Variants in CACNB1 observed in about 807,000 individuals in gnomAD.
CACNB1 encodes voltage-dependent L-type calcium channel subunit beta-1.
In CACNB1, 29 loss-of-function variants were observed where a neutral mutation model predicts 71.6. The observed-to-expected ratio is 0.40, with a 90% CI of 0.30 to 0.55. The LOEUF is 0.55. Among genes scored for constraint, CACNB1 ranks in the 20% least tolerant of loss-of-function variants. CACNB1 has a pLI of 0.38. For synonymous variants in CACNB1, 300 were observed against 319.6 expected (o/e 0.94, Z 0.65); for missense variants, 623 against 801.8 (o/e 0.78, Z 2.69).
At position 39,191,573 on chromosome 17, in the gene CACNB1, G is replaced by C; in HGVS notation, c.192C>G (p.Thr64=). 1 of 1,609,692 alleles carries C rather than the reference G, an allele frequency of 6.2e-7. No homozygotes were observed. Among genetic ancestry groups the C allele is most frequent in the Non-Finnish European group, 8.5e-7 (1 of 1,178,562 alleles). Residue 64 remains threonine, a synonymous_variant, in exon 3 of 14, where the codon ACC becomes ACG. Transcript: ENST00000394303. The stretch of plus-strand genomic sequence containing the variant: ...ATACATCAGAGTCTGATGGACGGCT[G>C]GTGTAGGACTCCGCTGAGCCCTGAA... ...FVRQGSAESY[T]SRPSDSDVSL... is the part of the protein sequence containing the mutation.
In CACNB1 at chr17:39,184,873, G is replaced by T; in HGVS notation, c.649-9C>A. The T allele has an allele frequency of 2.8e-6, 4 of 1,448,192 alleles. No homozygotes were observed. Among genetic ancestry groups the T allele is most frequent in the Non-Finnish European group, 3.9e-6 (4 of 1,028,638 alleles). The allele number at this position is 1,448,192 out of a possible 1,614,324, so 89.7% of individuals were successfully genotyped here. ...GGGGGCACATGCTCTGTCTGGGGGG[G>T]GAAGCAGGGAGGGGAAACCCCAGAG... On this transcript the variant is annotated splice_polypyrimidine_tract_variant and intron_variant, in intron 7 of 13. Transcript: ENST00000394303.
chr17:39,177,042 A>G, intron 13 of CACNB1: 1 of 1,217,280 alleles, frequency 8.2e-7, no homozygotes, highest in Non-Finnish European at 1.1e-6. Context: ...CAGGCCTCAT[A>G]TCCAGCGGGC....
intron 1 of CACNB1, 95 bp downstream of exon 1, chr17:39,197,317 C>A: frequency 1.3e-6 from 1 of 756,388 alleles, no homozygotes. Flanking sequence ...CCGCGCCCGG[C>A]ATATAACCCC....
Position 39,191,525 on chromosome 17 carries a change from G to C in CACNB1, c.240C>G (p.Ala80=). The stretch of plus-strand genomic sequence containing the variant: ...CCTGGCGCTCTGCTTCCTTCCTTAA[G>C]GCTTCCCGGTCCTCCTCCAGAGATA... ...SDVSLEEDRE[A]LRKEAERQAL... is the part of the protein sequence containing the mutation. The change falls in exon 3 of 14, where the codon GCC becomes GCG. Residue 80 remains alanine (A), a synonymous_variant. Transcript: ENST00000394303. 6.2e-7 allele frequency: 1 copy of C among 1,610,440 alleles called. No homozygotes were observed. Among genetic ancestry groups the C allele is most frequent in the Non-Finnish European group, 8.5e-7 (1 of 1,178,960 alleles).
Position 39,175,524 on chromosome 17 carries a change from C to T in CACNB1, c.1466G>A (p.Gly489Asp). ...YPSSHPPGRA[G>D]TLRALSRQDT... Reference sequence around the variant, plus strand: ...TTGGCGGGACAGTGCCCGTAGCGTGCCTGCCCGGCCTGGTGGGTGGCTGCT... The same window carrying T: ...TTGGCGGGACAGTGCCCGTAGCGTGTCTGCCCGGCCTGGTGGGTGGCTGCT... Residue 489 changes from glycine to aspartate, a missense_variant, in exon 14 of 14, where the codon GGC becomes GAC. By Grantham distance (94) the Gly-to-Asp change is moderately conservative. Transcript: ENST00000394303. The surrounding 1 kb of genome is among the most constrained non-coding windows in gnomAD (Gnocchi z 4.7). 2 of 1,613,868 alleles carry T rather than the reference C, an allele frequency of 1.2e-6. No homozygotes were observed. Among genetic ancestry groups the T allele is most frequent in the East Asian group, 4.5e-5 (2 of 44,868 alleles).
intron 6 of CACNB1, 129 bp from the exon 7 acceptor site, chr17:39,185,279 C>G (rs2045906075): frequency 5.3e-6 from 4 of 756,840 alleles, no homozygotes; most frequent in Non-Finnish European, 9.6e-6. Flanking sequence ...GGAGAGATAA[C>G]AGGGCATGCG....
chr17:39,197,405 G>T lies in CACNB1; in HGVS notation c.84+7C>A. ...CCCTCCCGTTGGGCCGGGCCACCAC[G>T]CCTCACCTGCGGGCTGGGGTCGAAG... On this transcript the variant is annotated splice_region_variant and intron_variant, in intron 1 of 13. Coordinates refer to ENST00000394303, the MANE Select transcript of CACNB1 (RefSeq NM_000723.5). The T allele has an allele frequency of 6.9e-7, 1 of 1,451,966 alleles. No homozygotes were observed. 89.9% of individuals were successfully genotyped at this position (1,451,966 alleles called of 1,614,324 possible).
At chr17:39,193,080 C>T in intron 2 of CACNB1, 1 of 193,340 alleles carries the variant, frequency 5.2e-6, no homozygotes. Flanking sequence ...ACTCACCAAC[C>T]CCAACACAAA....
rs771074641 is a variant in CACNB1, at chr17:39,177,364, C to T, written c.1318G>A (p.Val440Ile). ...AGCACCTGTACCTGGAGGTTGGAGA[C>T]AGGGGCAGGGCTGGCAGCCAGGGCT... ...TAALAASPAPVSNLQGPYLAS... is the reference protein window; with the variant it reads ...TAALAASPAPISNLQGPYLAS... Residue 440 changes from valine (V) to isoleucine (I), a missense_variant, in exon 13 of 14, where the codon GTC becomes ATC. By Grantham distance (29) the Val-to-Ile change is conservative. Coordinates refer to ENST00000394303, the MANE Select transcript of CACNB1 (RefSeq NM_000723.5). The T allele has an allele frequency of 2.5e-6, 4 of 1,613,284 alleles. No homozygotes were observed. Among genetic ancestry groups the T allele is most frequent in the Non-Finnish European group, 3.4e-6 (4 of 1,179,704 alleles).
chr17:39,179,508 G>A (rs999302330), intron 11 of CACNB1, among the ~76,000 whole-genome samples: 1 of 151,236 alleles, frequency 6.6e-6, no homozygotes, highest in Non-Finnish European at 1.5e-5. Flanking sequence ...GTGAACCTGG[G>A]AGGCGGAGCT....
intron 12 of CACNB1, 41 bp downstream of exon 12, chr17:39,177,943 T>C: frequency 6.7e-7 from 1 of 1,487,388 alleles, no homozygotes. Flanking sequence ...ACAACCCAAA[T>C]GTTCTCCCTC....
chr17:39,186,549 GA>G lies in CACNB1; in HGVS notation c.574del (p.Ser192ProfsTer7). 1 of 1,613,836 alleles carries G rather than the reference GA, an allele frequency of 6.2e-7. No homozygotes were observed. The highest frequency in any genetic ancestry group is 8.5e-7 in the Non-Finnish European group (1 of 1,179,834). On this transcript the variant is annotated frameshift_variant, in exon 6 of 14. Transcript: ENST00000394303. LOFTEE classifies it high-confidence loss of function. The surrounding 1 kb of genome is among the most constrained non-coding windows in gnomAD (Gnocchi z 4.1). Reference protein sequence around the residue: ...GSSKSGDNSSSSLGDVVTGTR... With the variant: ...GSSKSGDNSSXSLGDVVTGTR... The stretch of plus-strand genomic sequence containing the variant: ...GCCAGTCACCACATCTCCCAGACTG[GA>G]ACTGGAGTTATCGCCTGATTTGCTG...
intron 1 of CACNB1, 61 bp downstream of exon 1, chr17:39,197,351 C>A (rs903331450): frequency 1.5e-5 from 18 of 1,174,060 alleles, no homozygotes; most frequent in Admixed American, 4.0e-5. Context: ...CCTCTCGAGC[C>A]GACCTTAACA....
At position 39,175,094 on chromosome 17, in the gene CACNB1, A is replaced by G; in HGVS notation, c.*99T>C. On this transcript the variant is annotated 3_prime_UTR_variant, in exon 14 of 14. Coordinates refer to ENST00000394303, the MANE Select transcript of CACNB1 (RefSeq NM_000723.5). The surrounding 1 kb of genome is among the most constrained non-coding windows in gnomAD (Gnocchi z 4.7). ...CAAAGGCATCTGAAAGGAGGGAGAC[A>G]GCGCCCCCTGGAGGCGAATACATGT... 1 of 991,240 alleles carries G rather than the reference A, an allele frequency of 1.0e-6. No individual in the cohort carries two copies. Among genetic ancestry groups the G allele is most frequent in the Non-Finnish European group, 1.5e-6 (1 of 657,752 alleles). The allele number at this position is 991,240 out of a possible 1,614,324, so 61.4% of individuals were successfully genotyped here.
At position 39,175,640 on chromosome 17, in the gene CACNB1, G is replaced by A. The variant is rs768903549; in HGVS notation, c.1350C>T (p.Ser450=). The change falls in exon 14 of 14, where the codon TCC becomes TCT. Residue 450 remains serine, a synonymous_variant. Coordinates refer to ENST00000394303, the MANE Select transcript of CACNB1 (RefSeq NM_000723.5). This position sits in a 1 kb window ranked among gnomAD's most constrained non-coding sequence, Gnocchi z 4.7. ...VSNLQGPYLA[S]GDQPLERATG... is the part of the protein sequence containing the mutation. ...TGGCCCGTTCCAGTGGCTGGTCCCC[G>A]GAAGCAAGGTAGGGTCCCTGGTTAG... 8 of 1,568,722 alleles carry A rather than the reference G, an allele frequency of 5.1e-6. No individual in the cohort carries two copies. In the South Asian group the frequency reaches 7.2e-5, roughly 14 times the overall value.
intron 11 of CACNB1, among the ~76,000 whole-genome samples, chr17:39,178,484 G>C (rs774498329): frequency 6.6e-6 from 1 of 151,302 alleles, no homozygotes; most frequent in Non-Finnish European, 1.5e-5. Flanking sequence ...GGGCTCAAGC[G>C]AGCCCCCAGC....
intron 11 of CACNB1, chr17:39,183,145 G>A (rs1027277834): frequency 6.5e-6 from 1 of 153,758 alleles, no homozygotes; most frequent in African/African-American, 2.4e-5. Context: ...AAGCAGCCTG[G>A]GCAACACAGC....
Position 39,176,102 on chromosome 17 carries a change from C to T in CACNB1, c.1333-445G>A, listed in dbSNP as rs1240816440. Among the ~76,000 whole-genome samples, 10 of 152,190 alleles carry T rather than the reference C, an allele frequency of 6.6e-5. No homozygotes were observed. In the East Asian group the frequency reaches 7.7e-4, roughly 12 times the overall value. On this transcript the variant is annotated intron_variant, in intron 13 of 13. Coordinates refer to ENST00000394303, the MANE Select transcript of CACNB1 (RefSeq NM_000723.5). ...TCAAACCTGCTGACCCTGGCTTCTT[C>T]GACCCACACCAAACCCCAATCTCAG...
Position 39,173,967 on chromosome 17 carries a change from G to A in CACNB1, c.*1226C>T, listed in dbSNP as rs1367642119. On this transcript the variant is annotated 3_prime_UTR_variant, in exon 14 of 14. Coordinates refer to ENST00000394303, the MANE Select transcript of CACNB1 (RefSeq NM_000723.5). ...TGGAAGCTGCACCCCACCCCCAGGT[G>A]GAGGGTGGGACATTGGCACAGGAGG... The A allele has an allele frequency of 1.3e-5, 2 of 152,870 alleles. No individual in the cohort carries two copies. The highest frequency in any genetic ancestry group is 4.8e-5 in the African/African-American group (2 of 41,422). 9.5% of individuals were successfully genotyped at this position (152,870 alleles called of 1,614,324 possible). A position where few individuals can be genotyped will look rare whatever the true frequency, so the allele number is the denominator to read the frequency against.
Sources: gnomAD v4.1 joint callset for allele counts (sites outside exome capture counted in the v4.1 genomes callset) on GRCh38, gnomAD v4.1.1 for gene constraint, Gnocchi (gnomAD v3.1) non-coding constraint, MANE v1.5 for transcripts, NCBI Gene and HGNC (gene_info 2026-07-23, HGNC 2026-07-21) for gene names.